The following PDPR variants were observed in gnomAD, a reference collection of about 807,000 sequenced individuals.
PDPR encodes pyruvate dehydrogenase phosphatase regulatory subunit.
Under a neutral mutation model 102.2 loss-of-function variants are expected in PDPR, and 50 were observed. The ratio of observed to expected loss-of-function variants is 0.49; its 90% CI spans 0.39 to 0.62. PDPR has a LOEUF of 0.62. Ranked by LOEUF, PDPR falls within the 20% of genes least tolerant of loss-of-function variation. The pLI, the probability that PDPR is intolerant of heterozygous loss-of-function variation, is 0.00. For synonymous variants in PDPR, 259 were observed against 406.0 expected, an observed-to-expected ratio of 0.64 and a Z score of 4.35; for missense variants, 625 against 1,098.2, an observed-to-expected ratio of 0.57 and a Z score of 6.09.
chr16:70,133,980 G>A (rs1319440968), intron 9 of PDPR, among the ~76,000 whole-genome samples: 6 of 152,190 alleles, frequency 3.9e-5, no homozygotes, highest in South Asian at 2.1e-4. Context: ...AGATCTGCCC[G>A]CCTTGGCCTC....
At chr16:70,132,397 T>C in intron 9 of PDPR, 97 bp downstream of exon 9, 2 of 1,268,684 alleles carry the variant, frequency 1.6e-6, no homozygotes, top group Non-Finnish European at 2.2e-6. Flanking sequence ...TTAATGTTTA[T>C]AACATCGCCA....
At chr16:70,121,195 G>T in intron 3 of PDPR, among the ~76,000 whole-genome samples, 1 of 151,804 alleles carries the variant, frequency 6.6e-6, no homozygotes. Context: ...TCTTAATATT[G>T]TTCTCATTCC....
At chr16:70,129,538 G>A (rs1385084397) in intron 6 of PDPR, among the ~76,000 whole-genome samples, 8 of 152,244 alleles carry the variant, frequency 5.3e-5, no homozygotes, top group Non-Finnish European at 7.3e-5. Flanking sequence ...TAGTAGAGAC[G>A]GGGTTTCGCC....
rs565339518 is a variant in PDPR, at chr16:70,115,645, C to T, written c.-33+715C>T. On this transcript the variant is annotated intron_variant, in intron 2 of 18. Transcript: ENST00000288050. ...GTGACCGGCAGTCCACTGTGCGCAA[C>T]GCTGCAGCCATACAGAGGGACAACT... is the stretch of plus-strand genomic sequence containing the variant. Among the ~76,000 whole-genome samples, 8 of 152,308 alleles carry T rather than the reference C, an allele frequency of 5.3e-5. 1 individual carries two copies. In the East Asian group the frequency reaches 1.5e-3, roughly 29 times the overall value.
At chr16:70,135,364 G>A (rs1172373871) in intron 9 of PDPR, among the ~76,000 whole-genome samples, 3 of 152,158 alleles carry the variant, frequency 2.0e-5, no homozygotes, top group Non-Finnish European at 4.4e-5. Flanking sequence ...AGCCTCCCGA[G>A]TAGCTGGGGT....
intron 4 of PDPR, among the ~76,000 whole-genome samples, 200 bp from the exon 5 acceptor site, chr16:70,128,584 C>T (rs1964217927): frequency 6.6e-6 from 1 of 152,274 alleles, no homozygotes; most frequent in Non-Finnish European, 1.5e-5. Flanking sequence ...AATGTTTGGT[C>T]AGGGCATGGA....
Position 70,161,491 on chromosome 16 carries a change from AGTG to A in PDPR, c.*4614_*4616del. 1 of 153,114 alleles carries A rather than the reference AGTG, an allele frequency of 6.5e-6. No homozygotes were observed. The highest frequency in any genetic ancestry group is 1.5e-5 in the Non-Finnish European group (1 of 68,702). The allele number at this position is 153,114 out of a possible 1,614,324, so 9.5% of individuals were successfully genotyped here. A position where few individuals can be genotyped will look rare whatever the true frequency, so the allele number is the denominator to read the frequency against. ...CATGGATTCAGGAGAAGCACAGTTG[AGTG>A]GAAGAAATGGTAGACTTGTGAGGCT... On this transcript the variant is annotated 3_prime_UTR_variant, in exon 19 of 19. Transcript: ENST00000288050.
chr16:70,117,856 G>T (rs1012948195), intron 2 of PDPR, among the ~76,000 whole-genome samples: 4 of 152,132 alleles, frequency 2.6e-5, no homozygotes, highest in African/African-American at 9.7e-5. Flanking sequence ...ACTTTGGGAG[G>T]CCAAGGCCAG....
At chr16:70,156,166 A>G (rs189090056) in intron 18 of PDPR, among the ~76,000 whole-genome samples, 226 of 152,322 alleles carry the variant, frequency 1.5e-3, no homozygotes, top group Non-Finnish European at 2.7e-3. Flanking sequence ...CTGATAAGGT[A>G]TTTTATTAAG....
chr16:70,139,704 A>G (rs1223164215), intron 11 of PDPR, among the ~76,000 whole-genome samples: 2 of 152,240 alleles, frequency 1.3e-5, no homozygotes, highest in Non-Finnish European at 1.5e-5. Flanking sequence ...AAGCTTTTGT[A>G]TCAGGAATTG....
intron 11 of PDPR, among the ~76,000 whole-genome samples, chr16:70,141,082 C>T (rs140439501): frequency 2.0e-5 from 3 of 152,112 alleles, no homozygotes; most frequent in African/African-American, 4.8e-5. Flanking sequence ...CCGAGACAGT[C>T]TTGCTCTATT....
chr16:70,127,993 C>T (rs1198942926), intron 4 of PDPR, among the ~76,000 whole-genome samples: 2 of 152,138 alleles, frequency 1.3e-5, no homozygotes, highest in Non-Finnish European at 2.9e-5. Flanking sequence ...CATTCACCTA[C>T]GTGCTCAAGA....
In PDPR at chr16:70,138,541, A is replaced by T. The variant is rs377270799; in HGVS notation, c.1191-358A>T. On this transcript the variant is annotated intron_variant, in intron 10 of 18. Coordinates refer to ENST00000288050, the MANE Select transcript of PDPR (RefSeq NM_017990.5). ...TTGAAACTTTTTTTTTTCTGTAGAGACGGGGTCTTACTATGTTGCCCAGGC... is the reference window on the plus strand; with the variant it reads ...TTGAAACTTTTTTTTTTCTGTAGAGTCGGGGTCTTACTATGTTGCCCAGGC... Among the ~76,000 whole-genome samples the T allele has an allele frequency of 5.9e-5, 9 of 151,446 alleles. No homozygotes were observed. The East Asian group carries it at 1.2e-3, about 20-fold the overall frequency.
At chr16:70,115,368 C>T (rs1962533755) in intron 2 of PDPR, among the ~76,000 whole-genome samples, 1 of 152,132 alleles carries the variant, frequency 6.6e-6, no homozygotes, top group Non-Finnish European at 1.5e-5. Flanking sequence ...GTGATTCTCC[C>T]GCCTCAGCCT....
intron 17 of PDPR, among the ~76,000 whole-genome samples, chr16:70,150,439 TC>T (rs1966639051): frequency 6.6e-6 from 1 of 152,250 alleles, no homozygotes; most frequent in African/African-American, 2.4e-5. Context: ...CTTCCTTTGT[TC>T]TATTGTGACA....
chr16:70,155,312 G>A (rs1483960551), intron 18 of PDPR, among the ~76,000 whole-genome samples: 1 of 151,912 alleles, frequency 6.6e-6, no homozygotes, highest in African/African-American at 2.4e-5. Context: ...ACGGAGTTTC[G>A]TTCTTGTTGT....
intron 15 of PDPR, chr16:70,145,604 A>G: frequency 2.7e-6 from 1 of 373,274 alleles, no homozygotes; most frequent in Non-Finnish European, 5.2e-6. Flanking sequence ...AGCAAATATG[A>G]TATACGTCCT....
Position 70,161,619 on chromosome 16 carries a change from T to TG in PDPR, c.*4741dup, listed in dbSNP as rs1383156754. 2.0e-5 allele frequency: 3 copies of TG among 153,008 alleles called. No homozygotes were observed. The highest frequency in any genetic ancestry group is 7.2e-5 in the African/African-American group (3 of 41,476). 9.5% of individuals were successfully genotyped at this position (153,008 alleles called of 1,614,324 possible). A position where few individuals can be genotyped will look rare whatever the true frequency, so the allele number is the denominator to read the frequency against. ...ACTTCAGGCCAACAATTTAAGGTGC[T>TG]GAGTTGTAAGGCTCCTCCATTGTCA... On this transcript the variant is annotated 3_prime_UTR_variant, in exon 19 of 19. Coordinates refer to ENST00000288050, the MANE Select transcript of PDPR (RefSeq NM_017990.5).
At chr16:70,126,088 G>T (rs1963934187) in intron 3 of PDPR, among the ~76,000 whole-genome samples, 2 of 152,358 alleles carry the variant, frequency 1.3e-5, no homozygotes, top group Non-Finnish European at 2.9e-5. Context: ...TATATAAGTG[G>T]GAGCATACCT....
Sources: gnomAD v4.1 joint callset for allele counts (sites outside exome capture counted in the v4.1 genomes callset) on GRCh38, gnomAD v4.1.1 for gene constraint, MANE v1.5 for transcripts, NCBI Gene and HGNC (gene_info 2026-07-23, HGNC 2026-07-21) for gene names.